Variants in CUX1 observed in about 807,000 individuals in gnomAD.
CUX1 encodes protein CASP.
In CUX1, 31 loss-of-function variants were observed where a neutral mutation model predicts 158.8. The ratio of observed to expected loss-of-function variants is 0.20; its 90% confidence interval spans 0.15 to 0.26. CUX1 has a LOEUF of 0.26. Ranked by LOEUF, CUX1 falls within the 10% of genes least tolerant of loss-of-function variation. CUX1 has a pLI of 1.00. For synonymous variants in CUX1, 879 were observed against 862.1 expected (o/e 1.02, Z -0.34); for missense variants, 1,589 against 2,014.6 (o/e 0.79, Z 4.04).
intron 20 of CUX1, among the ~76,000 whole-genome samples, chr7:102,208,274 C>G (rs1796150867): frequency 6.6e-6 from 1 of 152,134 alleles, no homozygotes; most frequent in Non-Finnish European, 1.5e-5. Context: ...GATGGAGTCT[C>G]ACTCTGTCGC....
At chr7:102,156,220 C>T (rs1208456710) in intron 8 of CUX1, among the ~76,000 whole-genome samples, 1 of 152,146 alleles carries the variant, frequency 6.6e-6, no homozygotes. Context: ...GTACCTTAGC[C>T]TGTTTTCTGT....
At chr7:101,816,144 G>A (rs762201886), upstream of CUX1, 10 of 1,140,856 alleles carry the variant, frequency 8.8e-6, no homozygotes, top group African/African-American at 3.4e-5. Context: ...GGCTGCGGGC[G>A]GTCGCGGCCT....
At chr7:101,960,245 G>A (rs1348178597) in intron 2 of CUX1, 1 of 152,192 alleles carries the variant, frequency 6.6e-6, no homozygotes, top group African/African-American at 2.4e-5. Context: ...TGAGATTCAC[G>A]TGTAAAGGAG....
intron 8 of CUX1, among the ~76,000 whole-genome samples, chr7:102,156,851 G>A (rs1408571622): frequency 6.6e-6 from 1 of 152,188 alleles, no homozygotes; most frequent in African/African-American, 2.4e-5. Context: ...TAGGGATATA[G>A]GGCAAAAGGG....
At chr7:102,241,543 G>A (rs183111622) in intron 23 of CUX1, among the ~76,000 whole-genome samples, 3 of 152,218 alleles carry the variant, frequency 2.0e-5, no homozygotes, top group African/African-American at 4.8e-5. Flanking sequence ...GTCTCTCACC[G>A]GGCCCTCCCT....
At chr7:102,224,095 C>T (rs1686445191) in intron 20 of CUX1, among the ~76,000 whole-genome samples, 1 of 152,268 alleles carries the variant, frequency 6.6e-6, no homozygotes, top group Admixed American at 6.5e-5. Flanking sequence ...GTACTCAATC[C>T]TGTTTCTTTG....
chr7:101,984,090 ATATATATATATATATAT>A (rs1451473829), intron 2 of CUX1, among the ~76,000 whole-genome samples: 3 of 35,006 alleles, frequency 8.6e-5, no homozygotes, highest in African/African-American at 1.3e-4. Flanking sequence ...AAAAAAAAAA[ATATATATATATATATAT>A]ATATATATAT....
At chr7:101,938,147 CTG>C (rs1275810407) in intron 2 of CUX1, among the ~76,000 whole-genome samples, 3 of 150,176 alleles carry the variant, frequency 2.0e-5, no homozygotes, top group African/African-American at 7.4e-5. Context: ...CAGTCTCACT[CTG>C]TCACTCAGGC....
chr7:102,283,328 A>T (rs1792255905), exon 23 of CUX1: 1 of 536,236 alleles, frequency 1.9e-6, no homozygotes, highest in South Asian at 2.2e-5. Context: ...AGCCGCAGAG[A>T]CCCTCTCAGC....
intron 1 of CUX1, among the ~76,000 whole-genome samples, chr7:101,903,637 C>T (rs1313696757): frequency 6.6e-6 from 1 of 152,176 alleles, no homozygotes; most frequent in Admixed American, 6.5e-5. Context: ...CTCCCCTCTC[C>T]CTGCCACAGA....
At chr7:101,848,114 T>G (rs1250633116) in intron 1 of CUX1, among the ~76,000 whole-genome samples, 1 of 88,350 alleles carries the variant, frequency 1.1e-5, no homozygotes, top group African/African-American at 4.5e-5. Context: ...AAAAGAAAAA[T>G]AATGGTCATA....
intron 2 of CUX1, chr7:101,960,485 A>G (rs1810338732): frequency 6.6e-6 from 1 of 152,172 alleles, no homozygotes; most frequent in Non-Finnish European, 1.5e-5. Context: ...AAAAGAAAAA[A>G]TTAGCTGGGC....
intron 20 of CUX1, 62 bp from the exon 21 acceptor site, chr7:102,227,305 T>C: frequency 7.0e-7 from 1 of 1,419,372 alleles, no homozygotes; most frequent in South Asian, 1.3e-5. Flanking sequence ...ATAAGGAACG[T>C]AGATGGTCGT....
intron 8 of CUX1, among the ~76,000 whole-genome samples, chr7:102,118,031 C>T (rs1554492332): frequency 6.6e-6 from 1 of 152,222 alleles, no homozygotes; most frequent in South Asian, 2.1e-4. Flanking sequence ...GCCATGGGCT[C>T]ATTCTGAGAC....
intron 12 of CUX1, among the ~76,000 whole-genome samples, chr7:102,193,170 T>G (rs1794456311): frequency 6.6e-6 from 1 of 152,252 alleles, no homozygotes; most frequent in African/African-American, 2.4e-5. Flanking sequence ...AGGAGTGAGG[T>G]GTGGGCAGTG....
Position 102,248,809 on chromosome 7 carries a change from G to T in CUX1, c.4285G>T (p.Gly1429Trp). ...CGCTACCTCAGCCGCCGCCGCGCCG[G>T]GGGAGGGCCCCGCGGCCCCGAGCTC... ...DAATSAAAAPGEGPAAPSSAP... is the reference protein window; with the variant it reads ...DAATSAAAAPWEGPAAPSSAP... The change falls in exon 24 of 24, where the codon GGG (glycine) becomes TGG (tryptophan). Residue 1429 changes from glycine to tryptophan, a missense_variant. Coordinates refer to ENST00000292535, the MANE Select transcript of CUX1 (RefSeq NM_181552.4). This position sits in a 1 kb window ranked among gnomAD's most constrained non-coding sequence, Gnocchi z 5.8. The T allele has an allele frequency of 1.8e-6, 2 of 1,116,960 alleles. No homozygotes were observed. The highest frequency in any genetic ancestry group is 7.9e-5 in the South Asian group (2 of 25,432). The allele number at this position is 1,116,960 out of a possible 1,614,324, so 69.2% of individuals were successfully genotyped here.
chr7:101,977,720 G>C (rs1349582484), intron 2 of CUX1, among the ~76,000 whole-genome samples: 8 of 152,030 alleles, frequency 5.3e-5, no homozygotes, highest in Admixed American at 5.2e-4. Context: ...GCAGTGAGTC[G>C]AGATTGCACC....
chr7:102,217,671 G>A (rs537263351), intron 20 of CUX1, among the ~76,000 whole-genome samples: 1 of 151,536 alleles, frequency 6.6e-6, no homozygotes, highest in South Asian at 2.1e-4. Flanking sequence ...TCTAGAGGGA[G>A]GGAGGCTCTG....
intron 6 of CUX1, among the ~76,000 whole-genome samples, chr7:102,108,988 A>T (rs567142037): frequency 6.6e-6 from 1 of 152,126 alleles, no homozygotes; most frequent in Non-Finnish European, 1.5e-5. Flanking sequence ...TCCTGACCAC[A>T]AGTGACCTGC....
Sources: gnomAD v4.1 joint callset for allele counts (sites outside exome capture counted in the v4.1 genomes callset) on GRCh38, gnomAD v4.1.1 for gene constraint, Gnocchi (gnomAD v3.1) non-coding constraint, MANE v1.5 for transcripts, NCBI Gene and HGNC (gene_info 2026-07-23, HGNC 2026-07-21) for gene names.